Variants in SMG6 observed in about 807,000 individuals in gnomAD.
SMG6 encodes the protein telomerase-binding protein EST1A.
A neutral mutation model predicts 142.2 loss-of-function variants in SMG6; 66 were observed. The observed-to-expected ratio is 0.46, with a 90% CI of 0.38 to 0.57. The LOEUF is 0.57. SMG6 is among the 20% of genes least tolerant of loss of function. SMG6 has a pLI of 0.00. For missense variants in SMG6, 1,793 were observed against 1,832.0 expected (o/e 0.98, Z 0.39); for synonymous variants, 779 against 702.4 (o/e 1.11, Z -1.72).
intron 10 of SMG6, among the ~76,000 whole-genome samples, chr17:2,230,336 AG>A (rs113515930): frequency 0.022 from 568 of 26,064 alleles, 214 homozygotes; most frequent in African/African-American, 0.048. Flanking sequence ...AAAAAAAAAA[AG>A]GGAAAACCAC....
At chr17:2,217,719 T>C (rs909598945) in intron 10 of SMG6, among the ~76,000 whole-genome samples, 1 of 151,882 alleles carries the variant, frequency 6.6e-6, no homozygotes, top group African/African-American at 2.4e-5. Flanking sequence ...GAATAAACAA[T>C]GAAAAGGACC....
intron 8 of SMG6, among the ~76,000 whole-genome samples, chr17:2,252,654 C>T (rs216223): frequency 0.58 from 87,673 of 151,966 alleles, 26,461 homozygotes; most frequent in East Asian, 0.75. Context: ...AATTCCACAA[C>T]CCTGAGTGTA....
intron 6 of SMG6, among the ~76,000 whole-genome samples, chr17:2,291,004 G>C (rs902071823): frequency 2.6e-5 from 4 of 152,282 alleles, no homozygotes; most frequent in South Asian, 2.1e-4. Context: ...GATGGAAAGC[G>C]TAAGTATCAG....
At chr17:2,283,458 A>C (rs2074834780) in intron 7 of SMG6, among the ~76,000 whole-genome samples, 167 bp downstream of exon 7, 1 of 152,166 alleles carries the variant, frequency 6.6e-6, no homozygotes, top group South Asian at 2.1e-4. Flanking sequence ...GGACCATTTA[A>C]GGACACTATG....
In SMG6 at chr17:2,261,825, G is replaced by A. The variant is rs554572865; in HGVS notation, c.2662-17106C>T. Among the ~76,000 whole-genome samples, 13 of 152,298 alleles carry A rather than the reference G, an allele frequency of 8.5e-5. No individual in the cohort carries two copies. The South Asian group carries it at 2.5e-3, about 29-fold the overall frequency. On this transcript the variant is annotated intron_variant, in intron 8 of 18. Transcript: ENST00000263073. Reference sequence around the variant, plus strand: ...ACAAGTGACAGCTTCCTAGGAGCACGAAGGGCACTATTAGTGCCTTATTCA... The same window carrying A: ...ACAAGTGACAGCTTCCTAGGAGCACAAAGGGCACTATTAGTGCCTTATTCA...
At chr17:2,131,977 C>T (rs933188315) in intron 13 of SMG6, among the ~76,000 whole-genome samples, 1 of 152,032 alleles carries the variant, frequency 6.6e-6, no homozygotes, top group African/African-American at 2.4e-5. Flanking sequence ...GAGACTGAGG[C>T]AGGCGAATCC....
chr17:2,209,305 C>T (rs915104629), intron 10 of SMG6, among the ~76,000 whole-genome samples: 2 of 152,158 alleles, frequency 1.3e-5, no homozygotes, highest in African/African-American at 4.8e-5. Context: ...CTCTGTCTCC[C>T]GGGTTTAAGA....
In SMG6 at chr17:2,299,500, G is replaced by A. The variant is rs779327454; in HGVS notation, c.1253C>T (p.Ser418Phe). 1 of 1,614,176 alleles carries A rather than the reference G, an allele frequency of 6.2e-7. No individual in the cohort carries two copies. The highest frequency in any genetic ancestry group is 8.5e-7 in the Non-Finnish European group (1 of 1,180,032). Reference sequence around the variant, plus strand: ...CTCTGGAGAACCTGCTGAATTGACAGATAGGGTGGTATGGGCAGGCAAAAT... The same window carrying A: ...CTCTGGAGAACCTGCTGAATTGACAAATAGGGTGGTATGGGCAGGCAAAAT... ...ILILPAHTTL[S>F]VNSAGSPESA... Residue 418 changes from serine (S) to phenylalanine (F), a missense_variant, in exon 2 of 19, where the codon TCT becomes TTT. This residue lies in a region of SMG6 where 1,597 missense variants were observed against 1,584.6 expected (regional missense o/e 1.01). Coordinates refer to ENST00000263073, the MANE Select transcript of SMG6 (RefSeq NM_017575.5). The surrounding 1 kb of genome is among the most constrained non-coding windows in gnomAD (Gnocchi z 4.3).
chr17:2,172,508 G>GT (rs1158565449), intron 13 of SMG6, 150 bp downstream of exon 13: 1 of 749,936 alleles, frequency 1.3e-6, no homozygotes, highest in African/African-American at 1.8e-5. Context: ...AGAGCTGGAT[G>GT]TCAGCGGCTA....
Position 2,292,591 on chromosome 17 carries a change from C to T in SMG6, c.2298G>A (p.Gly766=), listed in dbSNP as rs777301078. ...LKAQHIAPKN[G]RPYNQLALLA... ...GCAAAGCCAACTGGTTATAGGGGCG[C>T]CCATTCTTGGGAGCAATGTGCTGGG... Residue 766 remains glycine, a synonymous_variant, in exon 6 of 19, where the codon GGG becomes GGA. Transcript: ENST00000263073. 6.2e-7 allele frequency: 1 copy of T among 1,614,186 alleles called. No homozygotes were observed. Among genetic ancestry groups the T allele is most frequent in the Non-Finnish European group, 8.5e-7 (1 of 1,180,022 alleles).
At chr17:2,274,608 A>T (rs2074609268) in intron 8 of SMG6, among the ~76,000 whole-genome samples, 1 of 152,226 alleles carries the variant, frequency 6.6e-6, no homozygotes, top group Non-Finnish European at 1.5e-5. Flanking sequence ...TCTATGGTAC[A>T]GTCCAGACTG....
chr17:2,153,571 G>A (rs1422596327), intron 13 of SMG6, among the ~76,000 whole-genome samples: 1 of 152,254 alleles, frequency 6.6e-6, no homozygotes, highest in Admixed American at 6.5e-5. Context: ...CACTCCACGC[G>A]GTGACTGGGG....
chr17:2,109,264 GTCTC>G (rs1338467576), intron 13 of SMG6, among the ~76,000 whole-genome samples: 3 of 152,002 alleles, frequency 2.0e-5, no homozygotes, highest in African/African-American at 4.8e-5. Flanking sequence ...TAGAATATAT[GTCTC>G]TCTTTTTTTT....
chr17:2,295,716 A>T (rs574176885), intron 4 of SMG6, among the ~76,000 whole-genome samples: 2 of 152,028 alleles, frequency 1.3e-5, no homozygotes, highest in Admixed American at 1.3e-4. Flanking sequence ...TCATGAATCT[A>T]TATCACCAGC....
chr17:2,223,975 G>A (rs1202750944), intron 10 of SMG6, among the ~76,000 whole-genome samples: 1 of 152,090 alleles, frequency 6.6e-6, no homozygotes, highest in African/African-American at 2.4e-5. Context: ...ATGGAACAAG[G>A]AAATCCCAGC....
chr17:2,127,479 C>A (rs949917177), intron 13 of SMG6: 21 of 783,374 alleles, frequency 2.7e-5, no homozygotes, highest in Non-Finnish European at 4.2e-5. Context: ...TAAATATAGA[C>A]CCTGCTAAAT....
chr17:2,302,673 G>A (rs904646155), intron 1 of SMG6, among the ~76,000 whole-genome samples: 1 of 152,236 alleles, frequency 6.6e-6, no homozygotes, highest in Non-Finnish European at 1.5e-5. Context: ...GTAAGGAAAA[G>A]GGGAAGAAAA....
intron 15 of SMG6, among the ~76,000 whole-genome samples, chr17:2,080,903 G>A (rs2068403764): frequency 6.6e-6 from 1 of 152,202 alleles, no homozygotes; most frequent in Admixed American, 6.5e-5. Flanking sequence ...CCAAAGTGCT[G>A]GGATGACAGG....
chr17:2,121,314 GGAGT>G (rs1304911339), intron 13 of SMG6, among the ~76,000 whole-genome samples: 2 of 152,110 alleles, frequency 1.3e-5, no homozygotes, highest in African/African-American at 2.4e-5. Flanking sequence ...GCAATAAAAA[GGAGT>G]GAGCTACTAA....
Sources: gnomAD v4.1 joint callset for allele counts (sites outside exome capture counted in the v4.1 genomes callset) on GRCh38, gnomAD v4.1.1 for gene constraint, gnomAD v4.1.1 regional missense constraint, Gnocchi (gnomAD v3.1) non-coding constraint, MANE v1.5 for transcripts, NCBI Gene and HGNC (gene_info 2026-07-23, HGNC 2026-07-21) for gene names.